Variants in CDH9 observed in about 807,000 individuals in gnomAD.
CDH9 encodes the protein cadherin 9.
Under a neutral mutation model 70.9 loss-of-function variants are expected in CDH9, and 28 were observed. The observed-to-expected ratio is 0.40, with a 90% CI of 0.29 to 0.54. CDH9 has a LOEUF of 0.54. CDH9 is among the 20% of genes least tolerant of loss of function. The probability of loss-of-function intolerance (pLI) is 0.59; values close to 1 mark genes in which losing one functional copy is unlikely to be tolerated. For synonymous variants in CDH9, 409 were observed against 343.1 expected (o/e 1.19, Z -2.12); for missense variants, 874 against 984.4 (o/e 0.89, Z 1.50).
chr5:27,031,149 A>G (rs1301528827), intron 1 of CDH9, among the ~76,000 whole-genome samples: 1 of 151,850 alleles, frequency 6.6e-6, no homozygotes, highest in African/African-American at 2.4e-5. Flanking sequence ...AAAACATTAC[A>G]TAATTAGAAT....
intron 7 of CDH9, 54 bp downstream of exon 7, chr5:26,902,422 A>T: frequency 8.1e-7 from 1 of 1,229,158 alleles, no homozygotes; most frequent in Non-Finnish European, 1.2e-6. Context: ...CAGTTTGTAA[A>T]TAGTGAGATT....
In CDH9 at chr5:26,881,293, T is replaced by G; in HGVS notation, c.2213A>C (p.Tyr738Ser). The change falls in exon 12 of 12, where the codon TAT (tyrosine) becomes TCT (serine). Residue 738 changes from tyrosine (Y) to serine (S), a missense_variant. By Grantham distance (144) the Tyr-to-Ser change is moderately radical. Transcript: ENST00000231021. ...SAPPYDSLATYAYEGNDSIAD... is the reference protein window; with the variant it reads ...SAPPYDSLATSAYEGNDSIAD... ...TATGGAATCATTCCCTTCATAGGCA[T>G]ACGTTGCCAGCGAATCATATGGAGG... The G allele has an allele frequency of 6.2e-7, 1 of 1,613,336 alleles. No homozygotes were observed. Among genetic ancestry groups the G allele is most frequent in the South Asian group, 1.1e-5 (1 of 91,078 alleles).
At chr5:27,018,537 C>T (rs1381039259) in intron 1 of CDH9, among the ~76,000 whole-genome samples, 1 of 151,788 alleles carries the variant, frequency 6.6e-6, no homozygotes, top group East Asian at 1.9e-4. Flanking sequence ...ATCATGTAAT[C>T]ATGTAGACAT....
intron 1 of CDH9, among the ~76,000 whole-genome samples, chr5:27,001,874 T>TCTCC (rs1742777137): frequency 6.9e-6 from 1 of 144,860 alleles, no homozygotes; most frequent in African/African-American, 2.5e-5. Context: ...TCTCTCTCTC[T>TCTCC]CTCAACAAAA....
At chr5:26,933,923 T>C (rs897056361) in intron 2 of CDH9, among the ~76,000 whole-genome samples, 5 of 152,114 alleles carry the variant, frequency 3.3e-5, no homozygotes, top group Non-Finnish European at 7.4e-5. Context: ...CCTTAGTCCA[T>C]TTGTATTGCT....
chr5:26,961,085 C>T lies in CDH9; in HGVS notation c.228+27021G>A, dbSNP rs187553782. On this transcript the variant is annotated intron_variant, in intron 2 of 11. Transcript: ENST00000231021. ...GTTGATTGCCCATTTCTCAGGCCATCATGGATTAACATTGATTGATAGTCA... is the reference window on the plus strand; with the variant it reads ...GTTGATTGCCCATTTCTCAGGCCATTATGGATTAACATTGATTGATAGTCA... 2.0e-5 allele frequency among the ~76,000 whole-genome samples: 3 copies of T among 152,122 alleles called. No homozygotes were observed. In the East Asian group the frequency reaches 5.8e-4, roughly 29 times the overall value.
intron 2 of CDH9, among the ~76,000 whole-genome samples, chr5:26,920,815 A>C (rs180980269): frequency 1.3e-5 from 2 of 152,310 alleles, no homozygotes; most frequent in Non-Finnish European, 2.9e-5. Context: ...TTATGCAGAT[A>C]TGGCTTCAGT....
At chr5:27,005,428 A>G (rs1045573288) in intron 1 of CDH9, among the ~76,000 whole-genome samples, 4 of 152,110 alleles carry the variant, frequency 2.6e-5, no homozygotes, top group Admixed American at 2.6e-4. Context: ...GCTCAGTATC[A>G]CTGATCATTA....
chr5:27,027,008 C>G (rs961488196), intron 1 of CDH9, among the ~76,000 whole-genome samples: 1 of 151,654 alleles, frequency 6.6e-6, no homozygotes, highest in Admixed American at 6.6e-5. Flanking sequence ...AGGGGGAAGT[C>G]GTAAATAGAT....
intron 7 of CDH9, among the ~76,000 whole-genome samples, chr5:26,899,789 A>T (rs1176809516): frequency 6.6e-6 from 1 of 151,996 alleles, no homozygotes; most frequent in Admixed American, 6.6e-5. Flanking sequence ...TGATGGGTGC[A>T]GCAAACCACC....
intron 2 of CDH9, among the ~76,000 whole-genome samples, chr5:26,964,938 C>T (rs1246344497): frequency 2.0e-5 from 3 of 152,050 alleles, no homozygotes; most frequent in Admixed American, 2.0e-4. Flanking sequence ...TTTCTATATA[C>T]TGTTATACTT....
chr5:27,012,279 T>C (rs1485635838), intron 1 of CDH9, among the ~76,000 whole-genome samples: 1 of 151,952 alleles, frequency 6.6e-6, no homozygotes, highest in African/African-American at 2.4e-5. Flanking sequence ...ATTGTTACTG[T>C]ATTATTATTA....
chr5:26,921,956 A>G (rs188901915), intron 2 of CDH9, among the ~76,000 whole-genome samples: 2 of 152,188 alleles, frequency 1.3e-5, no homozygotes, highest in Admixed American at 1.3e-4. Context: ...AGTATGTTAA[A>G]AGCGGGATTG....
chr5:26,885,897 C>A (rs748280268), intron 10 of CDH9, 32 bp from the exon 11 acceptor site: 2 of 1,605,702 alleles, frequency 1.2e-6, no homozygotes, highest in South Asian at 2.2e-5. Flanking sequence ...AAAACAAAAA[C>A]TTTCATATTT....
In CDH9 at chr5:26,903,723, A is replaced by C. The variant is rs1270323543; in HGVS notation, c.913T>G (p.Tyr305Asp). The change falls in exon 6 of 12, where the codon TAT (tyrosine) becomes GAT (aspartate). Residue 305 changes from tyrosine to aspartate, a missense_variant. Coordinates refer to ENST00000231021, the MANE Select transcript of CDH9 (RefSeq NM_016279.4). ...PDVGENAEME[Y>D]SIAEGDGADM... ...GCACCATCTCCTTCAGCAATGCTAT[A>C]CTCCATTTCTGCATTTTCCCCCACG... 8 of 1,606,094 alleles carry C rather than the reference A, an allele frequency of 5.0e-6. No individual in the cohort carries two copies.
chr5:26,886,418 GTAT>G (rs1241311423), intron 9 of CDH9, among the ~76,000 whole-genome samples: 1 of 152,032 alleles, frequency 6.6e-6, no homozygotes, highest in Non-Finnish European at 1.5e-5. Context: ...ACAGTCCATT[GTAT>G]TATTAATTGA....
At chr5:27,027,863 T>G (rs1055864309) in intron 1 of CDH9, among the ~76,000 whole-genome samples, 7 of 152,088 alleles carry the variant, frequency 4.6e-5, no homozygotes, top group Admixed American at 3.9e-4. Context: ...TAAAATTGTG[T>G]TGTTGATCAT....
chr5:26,887,511 T>G (rs1297989176), intron 9 of CDH9, among the ~76,000 whole-genome samples: 1 of 151,156 alleles, frequency 6.6e-6, no homozygotes, highest in African/African-American at 2.4e-5. Context: ...TATAAAATAT[T>G]AGCATATAAT....
intron 11 of CDH9, 126 bp downstream of exon 11, chr5:26,885,487 AT>A: frequency 2.4e-6 from 2 of 847,590 alleles, no homozygotes; most frequent in Non-Finnish European, 3.6e-6. Flanking sequence ...TGAAAGAAGA[AT>A]TTTAATAAAA....
Sources: gnomAD v4.1 joint callset for allele counts (sites outside exome capture counted in the v4.1 genomes callset) on GRCh38, gnomAD v4.1.1 for gene constraint, MANE v1.5 for transcripts, NCBI Gene and HGNC (gene_info 2026-07-23, HGNC 2026-07-21) for gene names.